Variants in CRELD1 observed in about 807,000 individuals in gnomAD.
CRELD1 encodes the protein CRELD disulfide isomerase 1.
CRELD1 carries 42 observed loss-of-function variants against 58.2 expected under a neutral mutation model. That is an observed-to-expected ratio of 0.72 (90% CI 0.56 to 0.93). The LOEUF (loss-of-function observed/expected upper bound fraction) is 0.93, where lower values mean the gene tolerates loss of function less well. Among genes scored for constraint, CRELD1 ranks in the 40% least tolerant of loss-of-function variants. CRELD1 has a pLI of 0.00. For synonymous variants in CRELD1, 222 were observed against 202.0 expected, an observed-to-expected ratio of 1.10 and a Z score of -0.84; for missense variants, 500 against 540.6, an observed-to-expected ratio of 0.92 and a Z score of 0.74.
chr3:9,934,711 C>G lies in CRELD1; in HGVS notation c.174+99C>G, dbSNP rs868066092. ...GTGGATTTAAGTTTCATCTTGGTCT[C>G]TTACTAGTTGTATGGCCCTAGGCAG... is the stretch of plus-strand genomic sequence containing the variant. On this transcript the variant is annotated intron_variant, in intron 2 of 10. Coordinates refer to ENST00000452070, the MANE Select transcript of CRELD1 (RefSeq NM_001077415.3). 6.6e-6 allele frequency: 10 copies of G among 1,525,584 alleles called. No homozygotes were observed. In the Middle Eastern group the frequency reaches 5.1e-4, roughly 77 times the overall value. 94.5% of individuals were successfully genotyped at this position (1,525,584 alleles called of 1,614,324 possible).
At chr3:9,942,525 G>T (rs565122347) in intron 7 of CRELD1, among the ~76,000 whole-genome samples, 1 of 152,292 alleles carries the variant, frequency 6.6e-6, no homozygotes, top group African/African-American at 2.4e-5. Flanking sequence ...GCATTGAGGA[G>T]TCCAAGCATT....
Position 9,941,094 on chromosome 3 carries a change from G to A in CRELD1, c.638-17G>A. 6.2e-7 allele frequency: 1 copy of A among 1,614,180 alleles called. No individual in the cohort carries two copies. The highest frequency in any genetic ancestry group is 8.5e-7 in the Non-Finnish European group (1 of 1,180,010). ...GCACCTGCCTGCCCATCCTCATGCTGCCCCCATTCCACCCAGCTTGTTTTG... is the reference window on the plus strand; with the variant it reads ...GCACCTGCCTGCCCATCCTCATGCTACCCCCATTCCACCCAGCTTGTTTTG... On this transcript the variant is annotated splice_polypyrimidine_tract_variant and intron_variant, in intron 6 of 10. Transcript: ENST00000452070.
chr3:9,933,859 A>G lies in CRELD1; in HGVS notation c.-81A>G, dbSNP rs1033567471. On this transcript the variant is annotated 5_prime_UTR_variant, in exon 1 of 11. Coordinates refer to ENST00000452070, the MANE Select transcript of CRELD1 (RefSeq NM_001077415.3). ...AGGCTGTGGCAGCGACGCGGTGAGG[A>G]GACGGCCCACGGCGCCCGCGGGCTG... The G allele has an allele frequency of 1.8e-5, 9 of 501,848 alleles. No individual in the cohort carries two copies. Among genetic ancestry groups the G allele is most frequent in the Non-Finnish European group, 3.2e-5 (9 of 284,002 alleles). The allele number at this position is 501,848 out of a possible 1,614,324, so 31.1% of individuals were successfully genotyped here. A position where few individuals can be genotyped will look rare whatever the true frequency, so the allele number is the denominator to read the frequency against.
In CRELD1 at chr3:9,937,660, G is replaced by A. The variant is rs148777768; in HGVS notation, c.356G>A (p.Trp119Ter). 1.9e-6 allele frequency: 3 copies of A among 1,606,408 alleles called. No individual in the cohort carries two copies. The highest frequency in any genetic ancestry group is 2.5e-6 in the Non-Finnish European group (3 of 1,177,106). ...CTGAGTGAGGAGCTGGTGGAGAGCT[G>A]GTGGTTTCACAAGTGAGTGGCAAAG... Reference protein sequence around the residue: ...LELSEELVESWWFHKQQEAPD... With the variant: ...LELSEELVES The change falls in exon 4 of 11, where the codon TGG (tryptophan) becomes TAG (stop). Residue 119 changes from tryptophan (W) to a stop codon, truncating the protein, a stop_gained. Transcript: ENST00000452070. LOFTEE classifies it high-confidence loss of function.
chr3:9,935,049 A>G, intron 3 of CRELD1, 132 bp downstream of exon 3: 2 of 764,134 alleles, frequency 2.6e-6, no homozygotes, highest in South Asian at 3.7e-5. Flanking sequence ...ATAGTATAGC[A>G]GTAAACAAGG....
intron 5 of CRELD1, 78 bp from the exon 6 acceptor site, chr3:9,940,760 CAAGGGAGAGGGA>C (rs2085342890): frequency 4.7e-6 from 4 of 842,650 alleles, no homozygotes; most frequent in South Asian, 1.4e-5. Flanking sequence ...GGAGGGAAGG[CAAGGGAGAGGGA>C]GAGGGAGAGG....
chr3:9,943,541 G>C (rs770581870), intron 10 of CRELD1, 26 bp downstream of exon 10: 1 of 1,613,902 alleles, frequency 6.2e-7, no homozygotes, highest in South Asian at 1.1e-5. Flanking sequence ...GGAGAGGGGA[G>C]GTCCTCATTC....
chr3:9,936,539 G>GTA lies in CRELD1; in HGVS notation c.258-1015_258-1014dup, dbSNP rs1277382900. 1.5e-3 allele frequency among the ~76,000 whole-genome samples: 195 copies of GTA among 130,026 alleles called. 1 individual carries two copies. The highest frequency in any genetic ancestry group is 6.4e-3 in the African/African-American group (185 of 28,892). 85.3% of individuals were successfully genotyped at this position (130,026 alleles called of 152,430 possible). ...TATATGTCTGCGTATATATATGTGC[G>GTA]TATATATATGCGTATATATATATAT... is the stretch of plus-strand genomic sequence containing the variant. On this transcript the variant is annotated intron_variant, in intron 3 of 10. Coordinates refer to ENST00000452070, the MANE Select transcript of CRELD1 (RefSeq NM_001077415.3).
chr3:9,937,615 A>C lies in CRELD1; in HGVS notation c.311A>C (p.Glu104Ala). The C allele has an allele frequency of 2.5e-6, 4 of 1,612,624 alleles. No individual in the cohort carries two copies. The highest frequency in any genetic ancestry group is 3.4e-6 in the Non-Finnish European group (4 of 1,179,746). The change falls in exon 4 of 11, where the codon GAG (glutamate) becomes GCG (alanine). Residue 104 changes from glutamate (E) to alanine (A), a missense_variant. Coordinates refer to ENST00000452070, the MANE Select transcript of CRELD1 (RefSeq NM_001077415.3). ...LEGVCSKSDF[E>A]CHRLLELSEE... Reference sequence around the variant, plus strand: ...GGTGTGTGCAGCAAGTCAGACTTCGAGTGCCACCGCCTGCTGGAGCTGAGT... The same window carrying C: ...GGTGTGTGCAGCAAGTCAGACTTCGCGTGCCACCGCCTGCTGGAGCTGAGT...
chr3:9,936,656 T>C (rs963504958), intron 3 of CRELD1, among the ~76,000 whole-genome samples: 3 of 152,136 alleles, frequency 2.0e-5, no homozygotes, highest in Non-Finnish European at 2.9e-5. Flanking sequence ...ATCACCACTA[T>C]GTAGTTCCAG....
rs573632531 is a variant in CRELD1, at chr3:9,945,103, G to A, written c.*524G>A. 59 of 192,566 alleles carry A rather than the reference G, an allele frequency of 3.1e-4. 4 individuals carry two copies. The South Asian group carries it at 6.0e-3, about 19-fold the overall frequency. The allele number at this position is 192,566 out of a possible 1,614,324, so 11.9% of individuals were successfully genotyped here. ...TGTCCTAGAATCCTGGGAAATTGAG[G>A]GCTTCTTTGATGGTGAGTGGAGAAA... On this transcript the variant is annotated 3_prime_UTR_variant, in exon 11 of 11. Coordinates refer to ENST00000452070, the MANE Select transcript of CRELD1 (RefSeq NM_001077415.3).
intron 10 of CRELD1, chr3:9,944,157 C>T (rs2085454326): frequency 5.1e-6 from 4 of 787,904 alleles, no homozygotes; most frequent in Admixed American, 1.7e-5. Context: ...AACCCCTTTA[C>T]CTCTCTGAGC....
intron 7 of CRELD1, 27 bp from the exon 8 acceptor site, chr3:9,942,786 A>T: frequency 6.3e-7 from 1 of 1,596,778 alleles, no homozygotes; most frequent in Non-Finnish European, 8.6e-7. Flanking sequence ...AGGGATTGAA[A>T]TTCTCACCCT....
chr3:9,934,080 A>C, intron 1 of CRELD1, 160 bp downstream of exon 1: 1 of 351,790 alleles, frequency 2.8e-6, no homozygotes, highest in Admixed American at 4.5e-5. Context: ...CCTCTCCTTC[A>C]GTACTTGGAA....
chr3:9,942,806 T>G lies in CRELD1; in HGVS notation c.734-7T>G. ...TTGAAATTCTCACCCTGCTCACCTC[T>G]CTGCAGACATTGATGAGTGTGGCAC... is the stretch of plus-strand genomic sequence containing the variant. On this transcript the variant is annotated splice_region_variant and splice_polypyrimidine_tract_variant and intron_variant, in intron 7 of 10. Coordinates refer to ENST00000452070, the MANE Select transcript of CRELD1 (RefSeq NM_001077415.3). 6.2e-7 allele frequency: 1 copy of G among 1,612,858 alleles called. No homozygotes were observed. The highest frequency in any genetic ancestry group is 1.1e-5 in the South Asian group (1 of 91,050).
rs145098008 is a variant in CRELD1, at chr3:9,935,400, G to T, written c.257+483G>T. ...GAAAAGAGTTTAGATTTTTTTTGGA[G>T]TGTAATGGGAAGCTCTTGGAAGGCT... On this transcript the variant is annotated intron_variant, in intron 3 of 10. Coordinates refer to ENST00000452070, the MANE Select transcript of CRELD1 (RefSeq NM_001077415.3). Among the ~76,000 whole-genome samples, 606 of 152,264 alleles carry T rather than the reference G, an allele frequency of 4.0e-3. 5 individuals are homozygous for T. The highest frequency in any genetic ancestry group is 0.014 in the African/African-American group (580 of 41,546).
At chr3:9,944,083 G>A (rs745377584) in intron 10 of CRELD1, 6 of 795,704 alleles carry the variant, frequency 7.5e-6, no homozygotes, top group South Asian at 4.0e-5. Flanking sequence ...ACCGTGGAAC[G>A]AGACTCATAC....
intron 2 of CRELD1, 44 bp from the exon 3 acceptor site, chr3:9,934,791 G>A: frequency 1.3e-6 from 2 of 1,569,260 alleles, no homozygotes; most frequent in Non-Finnish European, 1.7e-6. Context: ...GTGCTAGCAT[G>A]TGCCAGGCAC....
At position 9,937,616 on chromosome 3, in the gene CRELD1, G is replaced by C. The variant is rs781628094; in HGVS notation, c.312G>C (p.Glu104Asp). Residue 104 changes from glutamate (E) to aspartate (D), a missense_variant, in exon 4 of 11, where the codon GAG (glutamate) becomes GAC (aspartate). Physicochemically the swap from Glu to Asp is conservative, Grantham distance 45 (BLOSUM62 2). Transcript: ENST00000452070. ...LEGVCSKSDFECHRLLELSEE... is the reference protein window; with the variant it reads ...LEGVCSKSDFDCHRLLELSEE... The stretch of plus-strand genomic sequence containing the variant: ...GTGTGTGCAGCAAGTCAGACTTCGA[G>C]TGCCACCGCCTGCTGGAGCTGAGTG... 1.9e-6 allele frequency: 3 copies of C among 1,612,576 alleles called. No individual in the cohort carries two copies. Among genetic ancestry groups the C allele is most frequent in the Non-Finnish European group, 1.7e-6 (2 of 1,179,764 alleles).
Sources: gnomAD v4.1 joint callset for allele counts (sites outside exome capture counted in the v4.1 genomes callset) on GRCh38, gnomAD v4.1.1 for gene constraint, MANE v1.5 for transcripts, NCBI Gene and HGNC (gene_info 2026-07-23, HGNC 2026-07-21) for gene names.